The following CUL3 variants were observed in gnomAD, a reference collection of about 807,000 sequenced individuals.
The protein encoded by CUL3 is cullin 3, also known as cullin-3.
A neutral mutation model predicts 89.1 loss-of-function variants in CUL3; 19 were observed. That is an observed-to-expected ratio of 0.21 (90% CI 0.15 to 0.31). The LOEUF is 0.31. CUL3 is among the 10% of genes least tolerant of loss of function. The pLI is 1.00. For missense variants in CUL3, 469 were observed against 942.3 expected (o/e 0.50, Z 6.58); for synonymous variants, 351 against 308.4 (o/e 1.14, Z -1.45).
chr2:224,499,317 T>G (rs1692285405), intron 11 of CUL3: 1 of 176,962 alleles, frequency 5.7e-6, no homozygotes, highest in Admixed American at 5.9e-5. Flanking sequence ...ATGGGAATAT[T>G]TTACATCTCA....
At position 224,514,685 on chromosome 2, in the gene CUL3, A is replaced by G. The variant is rs1207430685; in HGVS notation, c.466T>C (p.Cys156Arg). Residue 156 changes from cysteine to arginine, a missense_variant, in exon 4 of 16, where the codon TGT (cysteine) becomes CGT (arginine). By Grantham distance (180) the Cys-to-Arg change is radical. Coordinates refer to ENST00000264414, the MANE Select transcript of CUL3 (RefSeq NM_003590.5). ...IFRDQVVRYG[C>R]IRDHLRQTLL... ...GTTTGCCGTAGATGATCCCTAATAC[A>G]CCCATAACGTACAACTTGATCTCGA... is the stretch of plus-strand genomic sequence containing the variant. 6.2e-7 allele frequency: 1 copy of G among 1,613,384 alleles called. No homozygotes were observed. The highest frequency in any genetic ancestry group is 8.5e-7 in the Non-Finnish European group (1 of 1,179,592).
At chr2:224,489,549 C>T (rs986834717) in intron 13 of CUL3, among the ~76,000 whole-genome samples, 2 of 152,086 alleles carry the variant, frequency 1.3e-5, no homozygotes, top group African/African-American at 2.4e-5. Flanking sequence ...TTAAAAAGGA[C>T]GTGAAGGATC....
intron 13 of CUL3, chr2:224,495,274 G>T (rs1488756474): frequency 6.6e-6 from 1 of 152,206 alleles, no homozygotes; most frequent in African/African-American, 2.4e-5. Flanking sequence ...AGTTGCTTTG[G>T]GATACAGTTC....
At chr2:224,556,174 G>C (rs1694703983) in intron 2 of CUL3, 1 of 152,130 alleles carries the variant, frequency 6.6e-6, no homozygotes, top group Non-Finnish European at 1.5e-5. Context: ...AATGATTCAT[G>C]CAAGAATCAT....
At chr2:224,487,686 A>G (rs1258103977) in intron 13 of CUL3, among the ~76,000 whole-genome samples, 1 of 152,144 alleles carries the variant, frequency 6.6e-6, no homozygotes, top group Non-Finnish European at 1.5e-5. Context: ...TGTCAATATT[A>G]GACAGATCAA....
At chr2:224,553,764 G>C (rs1574688666) in intron 2 of CUL3, among the ~76,000 whole-genome samples, 1 of 152,146 alleles carries the variant, frequency 6.6e-6, no homozygotes, top group African/African-American at 2.4e-5. Flanking sequence ...CCAGGAAGGG[G>C]ACTCTCACCA....
chr2:224,489,909 G>C (rs1038784271), intron 13 of CUL3, among the ~76,000 whole-genome samples: 1 of 152,172 alleles, frequency 6.6e-6, no homozygotes, highest in Non-Finnish European at 1.5e-5. Flanking sequence ...TCATCAGAGT[G>C]AACAGGCAAC....
intron 1 of CUL3, among the ~76,000 whole-genome samples, chr2:224,578,587 T>C (rs1695364818): frequency 6.6e-6 from 1 of 152,146 alleles, no homozygotes; most frequent in South Asian, 2.1e-4. Flanking sequence ...CAGACTATGG[T>C]TGAATAGTTT....
chr2:224,477,601 C>G (rs190904436), intron 15 of CUL3, among the ~76,000 whole-genome samples: 1 of 152,174 alleles, frequency 6.6e-6, no homozygotes, highest in Non-Finnish European at 1.5e-5. Flanking sequence ...TGGACCACAG[C>G]GGCACATTAC....
At position 224,506,045 on chromosome 2, in the gene CUL3, C is replaced by T; in HGVS notation, c.1117G>A (p.Asp373Asn). ...TTGAGGTTGAGAAAATACTCAAAGT[C>T]ACCCGCAATAGTTTGTTTAAAGAGA... Reference protein sequence around the residue: ...DRLFKQTIAGDFEYFLNLNSR... With the variant: ...DRLFKQTIAGNFEYFLNLNSR... Residue 373 changes from aspartate to asparagine, a missense_variant, in exon 8 of 16, where the codon GAC (aspartate) becomes AAC (asparagine). Coordinates refer to ENST00000264414, the MANE Select transcript of CUL3 (RefSeq NM_003590.5). 6.2e-7 allele frequency: 1 copy of T among 1,612,566 alleles called. No homozygotes were observed. Among genetic ancestry groups the T allele is most frequent in the Non-Finnish European group, 8.5e-7 (1 of 1,179,068 alleles).
chr2:224,580,139 G>C (rs949189687), intron 1 of CUL3, among the ~76,000 whole-genome samples: 1 of 152,132 alleles, frequency 6.6e-6, no homozygotes, highest in African/African-American at 2.4e-5. Context: ...TGTGGTCCTT[G>C]TTCCTCTGCA....
intron 13 of CUL3, among the ~76,000 whole-genome samples, chr2:224,493,201 C>T (rs11674340): frequency 0.18 from 27,953 of 152,078 alleles, 2,897 homozygotes; most frequent in South Asian, 0.27. Context: ...TTTTGAAATT[C>T]GTCATGTGGC....
At chr2:224,516,440 G>A (rs933173061) in intron 3 of CUL3, among the ~76,000 whole-genome samples, 4 of 147,618 alleles carry the variant, frequency 2.7e-5, no homozygotes, top group African/African-American at 7.5e-5. Flanking sequence ...CCTCAGCCTC[G>A]TGAGTACCTG....
In CUL3 at chr2:224,473,050, T is replaced by C. The variant is rs1365003267; in HGVS notation, c.*1195A>G. ...AAGCACAGGATATCTGACAAGAATC[T>C]TCAGCACAAAGCACATGTTTGAAAA... On this transcript the variant is annotated 3_prime_UTR_variant, in exon 16 of 16. Coordinates refer to ENST00000264414, the MANE Select transcript of CUL3 (RefSeq NM_003590.5). The C allele has an allele frequency of 5.0e-6, 1 of 199,084 alleles. No individual in the cohort carries two copies. Among genetic ancestry groups the C allele is most frequent in the Non-Finnish European group, 1.0e-5 (1 of 96,060 alleles). The allele number at this position is 199,084 out of a possible 1,614,324, so 12.3% of individuals were successfully genotyped here.
intron 3 of CUL3, among the ~76,000 whole-genome samples, chr2:224,530,906 C>CA (rs921863816): frequency 7.1e-6 from 1 of 139,916 alleles, no homozygotes; most frequent in African/African-American, 2.5e-5. Context: ...GACCCTGTCT[C>CA]AAAAAACAAA....
chr2:224,558,408 T>A (rs1388910681), intron 1 of CUL3, among the ~76,000 whole-genome samples: 6 of 152,162 alleles, frequency 3.9e-5, no homozygotes, highest in Admixed American at 2.6e-4. Flanking sequence ...CCATCCTCAC[T>A]CTATGATTAT....
intron 2 of CUL3, among the ~76,000 whole-genome samples, chr2:224,548,633 C>G (rs1249917388): frequency 6.6e-6 from 1 of 152,120 alleles, no homozygotes; most frequent in Non-Finnish European, 1.5e-5. Context: ...TCTAAGAAAA[C>G]TGCTAAGCAT....
chr2:224,524,297 G>C (rs562009239), intron 3 of CUL3, among the ~76,000 whole-genome samples: 1 of 152,094 alleles, frequency 6.6e-6, no homozygotes, highest in African/African-American at 2.4e-5. Flanking sequence ...TGGTTACCAA[G>C]CAGCTAGGAC....
intron 6 of CUL3, among the ~76,000 whole-genome samples, chr2:224,507,896 T>G (rs1692662310): frequency 6.6e-6 from 1 of 152,194 alleles, no homozygotes; most frequent in Admixed American, 6.5e-5. Context: ...CATTAAGAGT[T>G]TCTAGATCAG....
Sources: allele counts gnomAD v4.1 joint callset (sites outside exome capture counted in the v4.1 genomes callset), GRCh38; gene constraint gnomAD v4.1.1; transcripts MANE v1.5; gene names NCBI Gene and HGNC (gene_info 2026-07-23, HGNC 2026-07-21).